CLIC2: variants seen among roughly 807,000 people sequenced by gnomAD.
CLIC2 encodes chloride intracellular channel protein 2.
A neutral mutation model predicts 14.8 loss-of-function variants in CLIC2; 9 were observed. That is an observed-to-expected ratio of 0.61 (90% confidence interval 0.37 to 1.06). The LOEUF is 1.06. Ranked by LOEUF, CLIC2 falls within the 50% of genes least tolerant of loss-of-function variation. The pLI, the probability that CLIC2 is intolerant of heterozygous loss-of-function variation, is 0.01. For synonymous variants in CLIC2, 61 were observed against 66.3 expected (o/e 0.92, Z 0.39); for missense variants, 148 against 181.4 (o/e 0.82, Z 1.06).
intron 3 of CLIC2, among the ~76,000 whole-genome samples, chrX:155,281,727 A>G (rs1489950330): frequency 9.0e-6 from 1 of 111,246 alleles, no homozygotes; most frequent in Non-Finnish European, 1.9e-5. Flanking sequence ...CCCTATTCCC[A>G]TACTTGTCCC....
chrX:155,277,941 C>T lies in CLIC2; in HGVS notation c.706G>A (p.Glu236Lys), dbSNP rs2124144368. 8.3e-7 allele frequency: 1 copy of T among 1,210,199 alleles called. No homozygotes were observed. The highest frequency in any genetic ancestry group is 1.1e-6 in the Non-Finnish European group (1 of 894,201). Reference sequence around the variant, plus strand: ...TTAGCCACATTTGCGTAAGTATTTTCAATTTCTTTGTCTTCAGGACACGTG... The same window carrying T: ...TTAGCCACATTTGCGTAAGTATTTTTAATTTCTTTGTCTTCAGGACACGTG... ...THTCPEDKEI[E>K]NTYANVAKQK... The change falls in exon 6 of 6, where the codon GAA (glutamate) becomes AAA (lysine). Residue 236 changes from glutamate to lysine, a missense_variant. By Grantham distance (56) the Glu-to-Lys change is moderately conservative (BLOSUM62 1). Coordinates refer to ENST00000369449, the MANE Select transcript of CLIC2 (RefSeq NM_001289.6).
At chrX:155,304,994 A>T (rs2075045407) in intron 1 of CLIC2, among the ~76,000 whole-genome samples, 1 of 109,911 alleles carries the variant, frequency 9.1e-6, no homozygotes, top group Non-Finnish European at 1.9e-5. Flanking sequence ...GCTGTCAGAC[A>T]GGGACATTTA....
chrX:155,283,096 A>G (rs2074926145), intron 3 of CLIC2, among the ~76,000 whole-genome samples: 1 of 112,071 alleles, frequency 8.9e-6, no homozygotes, highest in Non-Finnish European at 1.9e-5. Flanking sequence ...GGCTTCTTCA[A>G]CCCCAGATTT....
At position 155,298,726 on chromosome X, in the gene CLIC2, A is replaced by G. The variant is rs1416978219; in HGVS notation, c.293+59T>C. 4 of 1,176,864 alleles carry G rather than the reference A, an allele frequency of 3.4e-6. No individual in the cohort carries two copies. The African/African-American group carries it at 5.3e-5, about 16-fold the overall frequency. On this transcript the variant is annotated intron_variant, in intron 3 of 5. Transcript: ENST00000369449. Reference sequence around the variant, plus strand: ...AATTGGTAAGAATACTAAATCTGCAATAAACAAGCCAGTAAAATAGATTAT... The same window carrying G: ...AATTGGTAAGAATACTAAATCTGCAGTAAACAAGCCAGTAAAATAGATTAT...
chrX:155,281,268 ATGAG>A (rs2074918305), intron 3 of CLIC2, among the ~76,000 whole-genome samples: 1 of 109,271 alleles, frequency 9.2e-6, no homozygotes, highest in African/African-American at 3.3e-5. Flanking sequence ...GTTATGTAGA[ATGAG>A]TAAGTCTAGA....
intron 4 of CLIC2, 67 bp from the exon 5 acceptor site, chrX:155,279,397 T>C: frequency 1.2e-6 from 1 of 847,782 alleles, no homozygotes; most frequent in Non-Finnish European, 1.8e-6. Flanking sequence ...ATTCTAAATA[T>C]GCTTTCCACA....
At chrX:155,296,081 A>T (rs1238196818) in intron 3 of CLIC2, among the ~76,000 whole-genome samples, 1 of 112,345 alleles carries the variant, frequency 8.9e-6, no homozygotes, top group Non-Finnish European at 1.9e-5. Flanking sequence ...CAAAAAGAAC[A>T]AAGCTAGAGG....
intron 1 of CLIC2, among the ~76,000 whole-genome samples, chrX:155,320,126 T>G (rs1415188851): frequency 8.9e-6 from 1 of 112,209 alleles, no homozygotes; most frequent in Non-Finnish European, 1.9e-5. Context: ...TGGCTGTGGG[T>G]GCAGCTTCAG....
At chrX:155,317,047 G>C (rs1354667007) in intron 1 of CLIC2, among the ~76,000 whole-genome samples, 1 of 111,147 alleles carries the variant, frequency 9.0e-6, no homozygotes, top group African/African-American at 3.3e-5. Context: ...TTGACACTCA[G>C]TATTAACCAT....
chrX:155,296,976 G>A (rs2074994329), intron 3 of CLIC2, among the ~76,000 whole-genome samples: 1 of 111,885 alleles, frequency 8.9e-6, no homozygotes, highest in Middle Eastern at 4.6e-3. Context: ...TCCAAAGCAC[G>A]AGAAATCAGT....
intron 1 of CLIC2, among the ~76,000 whole-genome samples, chrX:155,314,062 C>T (rs782720359): frequency 9.0e-6 from 1 of 111,335 alleles, no homozygotes; most frequent in Admixed American, 9.5e-5. Flanking sequence ...TGAGCTCAGA[C>T]ATGCCTAACC....
At chrX:155,296,644 T>A (rs2074993139) in intron 3 of CLIC2, among the ~76,000 whole-genome samples, 2 of 110,126 alleles carry the variant, frequency 1.8e-5, no homozygotes, top group African/African-American at 6.6e-5. Flanking sequence ...ATCAAACAAC[T>A]CAACAATAAA....
intron 1 of CLIC2, among the ~76,000 whole-genome samples, chrX:155,309,081 CAAT>C (rs2075065338): frequency 8.9e-6 from 1 of 111,773 alleles, no homozygotes. Flanking sequence ...ATAACTACAA[CAAT>C]GTTTTGAGAC....
intron 3 of CLIC2, among the ~76,000 whole-genome samples, chrX:155,284,353 A>G (rs111642890): frequency 1.3e-3 from 135 of 103,752 alleles, no homozygotes; most frequent in African/African-American, 4.6e-3. Flanking sequence ...TCTGCCTCCC[A>G]GGTTCAAGCG....
At chrX:155,292,063 T>C in intron 3 of CLIC2, 1 of 555,986 alleles carries the variant, frequency 1.8e-6, no homozygotes, top group South Asian at 2.3e-5. Flanking sequence ...CAGGAGATGG[T>C]TCTAGGAGCT....
chrX:155,295,832 GA>G (rs1569561278), intron 3 of CLIC2, among the ~76,000 whole-genome samples: 2 of 111,097 alleles, frequency 1.8e-5, no homozygotes, highest in Admixed American at 1.9e-4. Context: ...TCTTTACAAT[GA>G]AAACTACAAA....
chrX:155,314,935 CACTT>C (rs1341289136), intron 1 of CLIC2, among the ~76,000 whole-genome samples: 60 of 111,473 alleles, frequency 5.4e-4, no homozygotes, highest in African/African-American at 1.9e-3. Flanking sequence ...ATTAAGGACA[CACTT>C]ATAGAAATGC....
In CLIC2 at chrX:155,276,475, A is replaced by G. The variant is rs1436741535; in HGVS notation, c.*1428T>C. ...GTGAATGCCAAAATTTATTCTTCCT[A>G]GGTGTAACTTTATACCCATTGACCA... On this transcript the variant is annotated 3_prime_UTR_variant, in exon 6 of 6. Transcript: ENST00000369449. 1.8e-5 allele frequency: 2 copies of G among 111,775 alleles called. No individual in the cohort carries two copies. The highest frequency in any genetic ancestry group is 5.6e-4 in the East Asian group (2 of 3,575). The allele number at this position is 111,775 out of a possible 1,213,427, so 9.2% of individuals were successfully genotyped here.
intron 3 of CLIC2, among the ~76,000 whole-genome samples, chrX:155,281,692 A>G (rs1475406020): frequency 2.7e-5 from 3 of 111,126 alleles, no homozygotes; most frequent in Non-Finnish European, 3.8e-5. Context: ...AGCCTATATT[A>G]CTGTAACAGC....
Sources: gnomAD v4.1 joint callset for allele counts (sites outside exome capture counted in the v4.1 genomes callset) on GRCh38, gnomAD v4.1.1 for gene constraint, MANE v1.5 for transcripts, NCBI Gene and HGNC (gene_info 2026-07-23, HGNC 2026-07-21) for gene names.